The following KCTD18 variants were observed in gnomAD, a reference collection of about 807,000 sequenced individuals.
The protein encoded by KCTD18 is potassium channel tetramerization domain containing 18.
In KCTD18, 22 loss-of-function variants were observed where a neutral mutation model predicts 30.4. The observed-to-expected ratio is 0.72, with a 90% CI of 0.52 to 1.03. The LOEUF (loss-of-function observed/expected upper bound fraction) is 1.03. Among genes scored for constraint, KCTD18 ranks in the 50% least tolerant of loss-of-function variants. The probability of loss-of-function intolerance (pLI) is 0.00; values close to 1 mark genes in which losing one functional copy is unlikely to be tolerated. For missense variants in KCTD18, 529 were observed against 547.6 expected (o/e 0.97, Z 0.34); for synonymous variants, 186 against 209.0 (o/e 0.89, Z 0.95).
In KCTD18 at chr2:200,489,158, A is replaced by G. The variant is rs561935731; in HGVS notation, c.*942T>C. 6 of 152,768 alleles carry G rather than the reference A, an allele frequency of 3.9e-5. No homozygotes were observed. In the South Asian group the frequency reaches 1.2e-3, roughly 32 times the overall value. 9.5% of individuals were successfully genotyped at this position (152,768 alleles called of 1,614,324 possible). A position where few individuals can be genotyped will look rare whatever the true frequency, so the allele number is the denominator to read the frequency against. ...GATCCAATTACAAAACATAACATTT[A>G]CGAATAAACACACACAACTGAATAG... On this transcript the variant is annotated 3_prime_UTR_variant, in exon 7 of 7. Transcript: ENST00000359878.
chr2:200,509,138 T>C (rs2030372879), intron 1 of KCTD18, among the ~76,000 whole-genome samples: 1 of 152,116 alleles, frequency 6.6e-6, no homozygotes, highest in Admixed American at 6.5e-5. Context: ...CTTTACCTAA[T>C]TCACACAAAA....
rs561354577 is a variant in KCTD18 at position 200,509,770 on chromosome 2, C to A, written c.-218G>T. On this transcript the variant is annotated 5_prime_UTR_variant, in exon 1 of 7. An upstream open reading frame in the 5' UTR gains an earlier in-frame stop. Transcript: ENST00000359878. ...CATCGCTCAAGGGGCTCACACTCCT[C>A]TTCCGAAGCGGGAAGAGCCGGGAGG... 7.2e-5 allele frequency: 11 copies of A among 152,358 alleles called. No individual in the cohort carries two copies. The highest frequency in any genetic ancestry group is 1.6e-4 in the Non-Finnish European group (11 of 68,038). 9.4% of individuals were successfully genotyped at this position (152,358 alleles called of 1,614,324 possible).
Position 200,490,103 on chromosome 2 carries a change from A to G in KCTD18, c.1278T>C (p.Asn426=), listed in dbSNP as rs751288905. 3.2e-6 allele frequency: 5 copies of G among 1,558,180 alleles called. No homozygotes were observed. The highest frequency in any genetic ancestry group is 2.3e-5 in the East Asian group (1 of 44,030). Residue 426 remains asparagine (N), a synonymous_variant, in exon 7 of 7, where the codon AAT becomes AAC. Transcript: ENST00000359878. ...AATTTCAAGTCCACCACTTTCATCA[A>G]TTTCCCTTGTTCTTCCCGTTCTCAG... ...VRTENGKNKG[N]
intron 6 of KCTD18, among the ~76,000 whole-genome samples, chr2:200,491,755 C>T (rs535665102): frequency 1.6e-4 from 25 of 152,180 alleles, no homozygotes; most frequent in Non-Finnish European, 3.7e-4. Flanking sequence ...TTCCTGAGGA[C>T]CACCCCAAGC....
intron 5 of KCTD18, among the ~76,000 whole-genome samples, chr2:200,495,403 A>G (rs535697212): frequency 9.8e-5 from 15 of 152,352 alleles, no homozygotes; most frequent in African/African-American, 3.6e-4. Context: ...AAAATGCCAG[A>G]GAACATTTCT....
chr2:200,501,747 G>C (rs1327743154), intron 3 of KCTD18, among the ~76,000 whole-genome samples: 2 of 151,598 alleles, frequency 1.3e-5, no homozygotes, highest in African/African-American at 4.9e-5. Context: ...CAGGGATCTA[G>C]TATTAGAAAT....
intron 3 of KCTD18, among the ~76,000 whole-genome samples, chr2:200,499,716 A>G (rs901288578): frequency 1.3e-5 from 2 of 151,846 alleles, no homozygotes; most frequent in African/African-American, 4.8e-5. Flanking sequence ...AGGAACTGGC[A>G]CCATTCCTTC....
At chr2:200,491,967 C>T (rs2087924767) in intron 6 of KCTD18, among the ~76,000 whole-genome samples, 1 of 152,304 alleles carries the variant, frequency 6.6e-6, no homozygotes, top group African/African-American at 2.4e-5. Context: ...AACATTTTCC[C>T]TGGTCACCAG....
Position 200,489,944 on chromosome 2 carries a change from CCCT to C in KCTD18, c.*153_*155del. 1.4e-6 allele frequency: 1 copy of C among 725,974 alleles called. No homozygotes were observed. Among genetic ancestry groups the C allele is most frequent in the Non-Finnish European group, 2.1e-6 (1 of 469,612 alleles). 45.0% of individuals were successfully genotyped at this position (725,974 alleles called of 1,614,324 possible). Reference sequence around the variant, plus strand: ...TGGAGCCTTAACCATTGAAAGTCTCCCCTCCTCCATTCCTAGCTCACACAATTC... The same window carrying C: ...TGGAGCCTTAACCATTGAAAGTCTCCCCTCCATTCCTAGCTCACACAATTC... On this transcript the variant is annotated 3_prime_UTR_variant, in exon 7 of 7. Coordinates refer to ENST00000359878, the MANE Select transcript of KCTD18 (RefSeq NM_152387.4).
At position 200,499,038 on chromosome 2, in the gene KCTD18, GGTTTA is replaced by G. The variant is rs1559183993; in HGVS notation, c.414_418del (p.Lys139AsnfsTer9). 5.0e-6 allele frequency: 8 copies of G among 1,613,864 alleles called. No individual in the cohort carries two copies. Among genetic ancestry groups the G allele is most frequent in the Non-Finnish European group, 6.8e-6 (8 of 1,179,892 alleles). ...AAGATAGTGGAGAACCCAAACTGTTGGTTTATTGCAGACTAAGCCATATGAATCAC... is the reference window on the plus strand; with the variant it reads ...AAGATAGTGGAGAACCCAAACTGTTGTTGCAGACTAAGCCATATGAATCAC... On this transcript the variant is annotated frameshift_variant, in exon 4 of 7. Transcript: ENST00000359878. LOFTEE classifies it high-confidence loss of function.
rs763190575 is a variant in KCTD18, at chr2:200,490,036, C to A, written c.*64G>T. On this transcript the variant is annotated 3_prime_UTR_variant, in exon 7 of 7. Transcript: ENST00000359878. Reference sequence around the variant, plus strand: ...CTGCTGCATTAAGAAAGTGTCACTTCTTTGCGTCGAATGGGTTGAAAGCTT... The same window carrying A: ...CTGCTGCATTAAGAAAGTGTCACTTATTTGCGTCGAATGGGTTGAAAGCTT... The A allele has an allele frequency of 9.2e-5, 137 of 1,483,306 alleles. No individual in the cohort carries two copies. The highest frequency in any genetic ancestry group is 3.9e-4 in the African/African-American group (28 of 71,444). 91.9% of individuals were successfully genotyped at this position (1,483,306 alleles called of 1,614,324 possible).
intron 5 of KCTD18, chr2:200,497,204 C>T (rs2088010003): frequency 6.5e-6 from 1 of 152,678 alleles, no homozygotes; most frequent in Non-Finnish European, 1.5e-5. Context: ...TCAGTTTCCT[C>T]ATCTATAAAA....
At chr2:200,504,082 A>G (rs1425291005) in intron 3 of KCTD18, among the ~76,000 whole-genome samples, 1 of 152,240 alleles carries the variant, frequency 6.6e-6, no homozygotes, top group Non-Finnish European at 1.5e-5. Flanking sequence ...TTTATTATTC[A>G]TCAGGATCAT....
chr2:200,501,529 T>A lies in KCTD18; in HGVS notation c.373-2445A>T, dbSNP rs1232752913. 3.8e-4 allele frequency among the ~76,000 whole-genome samples: 54 copies of A among 140,836 alleles called. No individual in the cohort carries two copies. The South Asian group carries it at 0.013, about 33-fold the overall frequency. 92.4% of individuals were successfully genotyped at this position (140,836 alleles called of 152,430 possible). A position where few individuals can be genotyped will look rare whatever the true frequency, so the allele number is the denominator to read the frequency against. ...GACATTTATGCAGCCAAAAAACACA[T>A]GAAAAAATGCTCACCATCACTGGCC... On this transcript the variant is annotated intron_variant, in intron 3 of 6. Coordinates refer to ENST00000359878, the MANE Select transcript of KCTD18 (RefSeq NM_152387.4).
Position 200,490,372 on chromosome 2 carries a change from TGC to T in KCTD18, c.1007_1008del (p.Gly336AspfsTer17), listed in dbSNP as rs1559180093. 6.2e-7 allele frequency: 1 copy of T among 1,614,216 alleles called. No individual in the cohort carries two copies. Among genetic ancestry groups the T allele is most frequent in the Non-Finnish European group, 8.5e-7 (1 of 1,180,028 alleles). ...GCCTGAGGATGCCCAGGTGCCCCCG[TGC>T]CCACCAGGGCCGTGGCTCTGGAAGG... ...SAPSRATALVGTGAPGHPQAS... is the reference protein window; with the variant it reads ...SAPSRATALVXTGAPGHPQAS... On this transcript the variant is annotated frameshift_variant, in exon 7 of 7. Coordinates refer to ENST00000359878, the MANE Select transcript of KCTD18 (RefSeq NM_152387.4). LOFTEE classifies it low-confidence loss of function (END_TRUNC).
At chr2:200,494,401 T>C (rs2087967262) in intron 5 of KCTD18, among the ~76,000 whole-genome samples, 1 of 152,202 alleles carries the variant, frequency 6.6e-6, no homozygotes, top group African/African-American at 2.4e-5. Flanking sequence ...TATATACACA[T>C]GAAAAAAGCT....
chr2:200,508,171 C>A (rs1403598407), intron 1 of KCTD18, among the ~76,000 whole-genome samples: 1 of 152,166 alleles, frequency 6.6e-6, no homozygotes, highest in African/African-American at 2.4e-5. Flanking sequence ...GGCGCCATCT[C>A]GGCTCACTCC....
chr2:200,504,731 TAA>T lies in KCTD18; in HGVS notation c.372+15_372+16del. On this transcript the variant is annotated intron_variant, in intron 3 of 6. Transcript: ENST00000359878. ...TCATAAATATATATATTCAAAAACT[TAA>T]AAAAATGCCAAGACCTTTTTAAGTT... 1 of 1,588,084 alleles carries T rather than the reference TAA, an allele frequency of 6.3e-7. No homozygotes were observed. The highest frequency in any genetic ancestry group is 1.7e-5 in the Admixed American group (1 of 58,832).
At chr2:200,492,443 G>C (rs1461509718) in intron 6 of KCTD18, among the ~76,000 whole-genome samples, 7 of 152,176 alleles carry the variant, frequency 4.6e-5, no homozygotes, top group Admixed American at 3.3e-4. Flanking sequence ...TAAAATTATG[G>C]CTTTTAAGAA....
Sources: gnomAD v4.1 joint callset for allele counts (sites outside exome capture counted in the v4.1 genomes callset) on GRCh38, gnomAD v4.1.1 for gene constraint, MANE v1.5 for transcripts, NCBI Gene and HGNC (gene_info 2026-07-23, HGNC 2026-07-21) for gene names.